The following GPHN variants were observed in gnomAD, a reference collection of about 807,000 sequenced individuals.
GPHN encodes the protein gephyrin.
In GPHN, 17 loss-of-function variants were observed where a neutral mutation model predicts 95.5. That is an observed-to-expected ratio of 0.18 (90% CI 0.12 to 0.27). The LOEUF (loss-of-function observed/expected upper bound fraction) is 0.27. GPHN is among the 10% of genes least tolerant of loss of function. The pLI, the probability that GPHN is intolerant of heterozygous loss-of-function variation, is 1.00. For synonymous variants in GPHN, 320 were observed against 322.5 expected (o/e 0.99, Z 0.08); for missense variants, 660 against 978.1 (o/e 0.67, Z 4.34).
chr14:67,030,330 T>G (rs2074135748), intron 10 of GPHN, among the ~76,000 whole-genome samples: 2 of 152,178 alleles, frequency 1.3e-5, no homozygotes, highest in African/African-American at 4.8e-5. Flanking sequence ...TGTTTATTAT[T>G]CCTCATCCTA....
At chr14:66,888,059 G>A (rs887132089) in intron 5 of GPHN, among the ~76,000 whole-genome samples, 1 of 152,104 alleles carries the variant, frequency 6.6e-6, no homozygotes, top group Non-Finnish European at 1.5e-5. Context: ...AAACTGAAAA[G>A]CAAAGAGAAC....
chr14:66,658,420 A>T (rs970128337), intron 1 of GPHN, among the ~76,000 whole-genome samples: 1 of 152,134 alleles, frequency 6.6e-6, no homozygotes, highest in Non-Finnish European at 1.5e-5. Flanking sequence ...TCCAATTTTG[A>T]AAAAAATTCT....
chr14:67,530,672 A>C, the GPHN span, among the ~76,000 whole-genome samples: 1 of 152,208 alleles, frequency 6.6e-6, no homozygotes, highest in Admixed American at 6.5e-5. Flanking sequence ...GCTAGAAATA[A>C]TCTTTTATTG....
At chr14:67,308,506 G>A in the GPHN span, among the ~76,000 whole-genome samples, 1 of 150,306 alleles carries the variant, frequency 6.7e-6, no homozygotes, top group Non-Finnish European at 1.5e-5. Context: ...TATAGATCCT[G>A]AGTTTTAGAT....
chr14:67,497,340 G>A, the GPHN span, among the ~76,000 whole-genome samples: 1 of 152,116 alleles, frequency 6.6e-6, no homozygotes, highest in East Asian at 1.9e-4. Flanking sequence ...ACCTGCCTAA[G>A]GTCATACAAA....
the GPHN span, chr14:67,582,363 C>T: frequency 7.8e-7 from 1 of 1,280,086 alleles, no homozygotes; most frequent in Non-Finnish European, 1.1e-6. The surrounding 1 kb of genome is among the most constrained non-coding windows in gnomAD (Gnocchi z 5.0). Context: ...CTGACTTCTA[C>T]AGATCAGAGC....
At chr14:67,718,573 C>A in the GPHN span, among the ~76,000 whole-genome samples, 1 of 152,200 alleles carries the variant, frequency 6.6e-6, no homozygotes, top group Non-Finnish European at 1.5e-5. Context: ...GATTCACTCA[C>A]GGTGAGGCTA....
At chr14:67,061,387 C>A (rs2075818565) in intron 11 of GPHN, among the ~76,000 whole-genome samples, 1 of 152,022 alleles carries the variant, frequency 6.6e-6, no homozygotes, top group South Asian at 2.1e-4. Flanking sequence ...AGGCTCCCCT[C>A]CCCCCAGTTA....
the GPHN span, among the ~76,000 whole-genome samples, chr14:67,357,824 A>C: frequency 6.6e-6 from 1 of 152,194 alleles, no homozygotes; most frequent in African/African-American, 2.4e-5. Context: ...ACGCCATACT[A>C]CCTGGCAATT....
the GPHN span, chr14:67,411,932 C>G: frequency 1.6e-6 from 2 of 1,265,206 alleles, no homozygotes; most frequent in African/African-American, 1.5e-5. Flanking sequence ...CATGCCCGTT[C>G]CGGGGCGCGC....
chr14:66,661,849 G>A (rs564309806), intron 1 of GPHN, among the ~76,000 whole-genome samples: 2 of 151,952 alleles, frequency 1.3e-5, no homozygotes, highest in Admixed American at 6.6e-5. Flanking sequence ...GAGAGCCCAC[G>A]CCCACCAGGG....
chr14:66,688,071 A>T (rs2067517773), intron 2 of GPHN, among the ~76,000 whole-genome samples: 1 of 152,244 alleles, frequency 6.6e-6, no homozygotes, highest in African/African-American at 2.4e-5. Flanking sequence ...TAAACAGTTG[A>T]CTAACACATA....
At chr14:66,742,053 T>C (rs1037381211) in intron 2 of GPHN, among the ~76,000 whole-genome samples, 1 of 152,178 alleles carries the variant, frequency 6.6e-6, no homozygotes, top group African/African-American at 2.4e-5. Context: ...CAGAATGCTT[T>C]ATTGAACGCT....
At chr14:67,720,461 A>G in the GPHN span, among the ~76,000 whole-genome samples, 1 of 152,272 alleles carries the variant, frequency 6.6e-6, no homozygotes, top group African/African-American at 2.4e-5. Context: ...TTAATACTTC[A>G]GTGGTTTCAT....
intron 2 of GPHN, among the ~76,000 whole-genome samples, chr14:66,754,105 C>G (rs1329328205): frequency 6.6e-6 from 1 of 151,890 alleles, no homozygotes; most frequent in South Asian, 2.1e-4. Flanking sequence ...TTTATTTATT[C>G]ATCAGTTAAT....
chr14:66,546,255 C>T (rs930814908), intron 1 of GPHN, among the ~76,000 whole-genome samples: 1 of 151,608 alleles, frequency 6.6e-6, no homozygotes, highest in Non-Finnish European at 1.5e-5. Context: ...GATGGGATGG[C>T]GGCCGGGCAG....
chr14:67,225,962 T>TGTGTGTGTGTGTGCGC, the GPHN span, among the ~76,000 whole-genome samples: 52 of 113,512 alleles, frequency 4.6e-4, no homozygotes, highest in Admixed American at 6.8e-4. Context: ...TGTGTGTGTG[T>TGTGTGTGTGTGTGCGC]GCGCGCGCGC....
chr14:67,030,317 T>C (rs1363066218), intron 10 of GPHN, among the ~76,000 whole-genome samples: 2 of 152,204 alleles, frequency 1.3e-5, no homozygotes, highest in East Asian at 3.9e-4. Flanking sequence ...CAGAAATCTT[T>C]AGTGTTTATT....
At chr14:66,904,148 A>T (rs2065254773) in intron 5 of GPHN, among the ~76,000 whole-genome samples, 1 of 152,064 alleles carries the variant, frequency 6.6e-6, no homozygotes, top group South Asian at 2.1e-4. Context: ...GAAGCCGCGG[A>T]CCTTTGCAGT....
Sources: allele counts gnomAD v4.1 joint callset (sites outside exome capture counted in the v4.1 genomes callset), GRCh38; gene constraint gnomAD v4.1.1; non-coding constraint Gnocchi (gnomAD v3.1); transcripts MANE v1.5; gene names NCBI Gene and HGNC (gene_info 2026-07-23, HGNC 2026-07-21).